CCND3: variants seen among roughly 807,000 people sequenced by gnomAD.
CCND3 encodes G1/S-specific cyclin-D3.
In CCND3, 9 loss-of-function variants were observed where a neutral mutation model predicts 28.7. That is an observed-to-expected ratio of 0.31 (90% CI 0.19 to 0.55). The LOEUF (loss-of-function observed/expected upper bound fraction) is 0.55, where lower values mean the gene tolerates loss of function less well. Ranked by LOEUF, CCND3 falls within the 20% of genes least tolerant of loss-of-function variation. The pLI is 0.93. For synonymous variants in CCND3, 164 were observed against 163.9 expected, an observed-to-expected ratio of 1.00 and a Z score of 0.00; for missense variants, 315 against 385.8, an observed-to-expected ratio of 0.82 and a Z score of 1.54.
intron 1 of CCND3, among the ~76,000 whole-genome samples, chr6:41,989,124 A>T (rs889797064): frequency 2.0e-5 from 3 of 150,326 alleles, no homozygotes; most frequent in Non-Finnish European, 4.5e-5. Context: ...AAGGATTGTT[A>T]TTCGCAATAT....
intron 2 of CCND3, chr6:41,937,704 A>G (rs886329761): frequency 2.2e-5 from 8 of 367,316 alleles, no homozygotes; most frequent in African/African-American, 1.4e-4. Context: ...GACTTCATTC[A>G]GGGCTCTGAG....
intron 1 of CCND3, among the ~76,000 whole-genome samples, chr6:41,978,237 G>A (rs1044589890): frequency 1.3e-5 from 2 of 151,828 alleles, no homozygotes; most frequent in South Asian, 4.2e-4. Context: ...AGCCGGGCAC[G>A]GTGGCGGGCA....
chr6:41,975,528 C>T (rs886412300), intron 1 of CCND3, among the ~76,000 whole-genome samples: 19 of 152,158 alleles, frequency 1.2e-4, no homozygotes, highest in Non-Finnish European at 2.4e-4. Flanking sequence ...TGGTGGTAAA[C>T]AGAGGTGCTG....
chr6:41,937,309 C>A lies in CCND3; in HGVS notation c.500G>T (p.Arg167Leu). Residue 167 changes from arginine (R) to leucine (L), a missense_variant, in exon 3 of 5, where the codon CGG (arginine) becomes CTG (leucine). Physicochemically the swap from Arg to Leu is moderately radical, Grantham distance 102. Transcript: ENST00000372991. ...AHDFLAFILHRLSLPRDRQAL... is the reference protein window; with the variant it reads ...AHDFLAFILHLLSLPRDRQAL... ...CTGTCGGTCACGGGGCAGAGAGAGC[C>A]GGTGCAGAATGAAGGCCAGGAAATC... The A allele has an allele frequency of 6.2e-7, 1 of 1,614,116 alleles. No homozygotes were observed. The highest frequency in any genetic ancestry group is 1.7e-5 in the Admixed American group (1 of 60,026).
chr6:42,049,195 C>T (rs1005298952), upstream of CCND3, among the ~76,000 whole-genome samples: 1 of 152,134 alleles, frequency 6.6e-6, no homozygotes, highest in African/African-American at 2.4e-5. Context: ...GCCGCCACGC[C>T]CGGCTAATTT....
At position 41,951,564 on chromosome 6, in the gene CCND3, ACAC is replaced by A. The variant is rs1198754413; in HGVS notation, c.-45-10982_-45-10980del. On this transcript the variant is annotated intron_variant, in intron 1 of 4. Transcript: ENST00000372988. Reference sequence around the variant, plus strand: ...GCGACACACACACACACACACACACACACACACACACAAAAAAAAAGATTAAGT... The same window carrying A: ...GCGACACACACACACACACACACACAACACACACAAAAAAAAAGATTAAGT... 9.1e-3 allele frequency among the ~76,000 whole-genome samples: 866 copies of A among 95,122 alleles called. 115 individuals are homozygous for A. Among genetic ancestry groups the A allele is most frequent in the Non-Finnish European group, 0.014 (637 of 45,356 alleles). The allele number at this position is 95,122 out of a possible 152,430, so 62.4% of individuals were successfully genotyped here.
Position 42,021,032 on chromosome 6 carries a change from G to A in CCND3, c.-46+27469C>T, listed in dbSNP as rs567383171. On this transcript the variant is annotated intron_variant, in intron 1 of 4. Coordinates refer to the CCND3 transcript ENST00000372988. Reference sequence around the variant, plus strand: ...TTCCCAAAGTGCTGGGATTATAGGCGTGAGCCACCGTGCCCAGCCTCAGTT... The same window carrying A: ...TTCCCAAAGTGCTGGGATTATAGGCATGAGCCACCGTGCCCAGCCTCAGTT... Among the ~76,000 whole-genome samples the A allele has an allele frequency of 2.6e-5, 4 of 152,324 alleles. No individual in the cohort carries two copies. In the South Asian group the frequency reaches 6.2e-4, roughly 24 times the overall value.
chr6:41,982,273 CAAAAA>C (rs57911007), intron 1 of CCND3, among the ~76,000 whole-genome samples: 4 of 135,072 alleles, frequency 3.0e-5, no homozygotes. Context: ...GACTCCATCT[CAAAAA>C]AAAAAAAAAA....
chr6:41,940,380 C>T lies in CCND3; in HGVS notation c.404G>A (p.Arg135His), dbSNP rs1775954765. 6.2e-7 allele frequency: 1 copy of T among 1,613,858 alleles called. No homozygotes were observed. Among genetic ancestry groups the T allele is most frequent in the Admixed American group, 1.7e-5 (1 of 60,010 alleles). ...CIYTDHAVSP[R>H]QLRDWEVLVL... ...GAGTTACACACGCACCCGCAACTGGCGGGGAGAGACAGCGTGGTCGGTGTA... is the reference window on the plus strand; with the variant it reads ...GAGTTACACACGCACCCGCAACTGGTGGGGAGAGACAGCGTGGTCGGTGTA... Residue 135 changes from arginine to histidine, a missense_variant, in exon 2 of 5, where the codon CGC becomes CAC. By Grantham distance (29) the Arg-to-His change is conservative. Coordinates refer to ENST00000372991, the MANE Select transcript of CCND3 (RefSeq NM_001760.5).
rs748415228 is a variant in CCND3, at chr6:42,044,956, CGTT to C, written c.-46+3542_-46+3544del. Among the ~76,000 whole-genome samples the C allele has an allele frequency of 3.4e-4, 42 of 123,910 alleles. 2 individuals carry two copies. Among genetic ancestry groups the C allele is most frequent in the South Asian group, 7.6e-4 (3 of 3,952 alleles). 81.3% of individuals were successfully genotyped at this position (123,910 alleles called of 152,430 possible). A position where few individuals can be genotyped will look rare whatever the true frequency, so the allele number is the denominator to read the frequency against. ...GGCCCGTGCGACCACGCCCGGCTAACGTTTTTTTTTTTTTTTTTTTTGTATTTT... is the reference window on the plus strand; with the variant it reads ...GGCCCGTGCGACCACGCCCGGCTAACTTTTTTTTTTTTTTTTTTGTATTTT... On this transcript the variant is annotated intron_variant, in intron 1 of 4. Transcript: ENST00000372988.
At chr6:42,031,602 A>G (rs1165973564) in intron 1 of CCND3, among the ~76,000 whole-genome samples, 1 of 152,154 alleles carries the variant, frequency 6.6e-6, no homozygotes. Flanking sequence ...ACATTTCAAA[A>G]AGTGAAAAAA....
At chr6:41,952,092 G>A (rs1776332889) in intron 1 of CCND3, among the ~76,000 whole-genome samples, 1 of 152,114 alleles carries the variant, frequency 6.6e-6, no homozygotes, top group Non-Finnish European at 1.5e-5. Flanking sequence ...CTTTCTCCTA[G>A]CCAGGCACTG....
chr6:41,956,892 G>A (rs562670785), intron 1 of CCND3, among the ~76,000 whole-genome samples: 17 of 152,198 alleles, frequency 1.1e-4, no homozygotes, highest in African/African-American at 3.4e-4. Flanking sequence ...TTAGCCGGGC[G>A]TGGTGGCAGG....
At chr6:41,940,632 A>G in intron 1 of CCND3, 47 bp from the exon 2 acceptor site, 4 of 1,054,020 alleles carry the variant, frequency 3.8e-6, no homozygotes, top group Non-Finnish European at 5.5e-6. Context: ...CGTGGGGAAC[A>G]CAGCAGCGGG....
chr6:41,941,751 A>G lies in CCND3; in HGVS notation c.-102T>C. ...GCGCGGGTCTGGCGCTGGCGCTGGCACTGCGCGGCGGATCCCCAGCCCGCC... is the reference window on the plus strand; with the variant it reads ...GCGCGGGTCTGGCGCTGGCGCTGGCGCTGCGCGGCGGATCCCCAGCCCGCC... On this transcript the variant is annotated 5_prime_UTR_variant, in exon 1 of 5. Transcript: ENST00000372991. This position sits in a 1 kb window ranked among gnomAD's most constrained non-coding sequence, Gnocchi z 6.1. The G allele has an allele frequency of 1.2e-6, 1 of 822,182 alleles. No individual in the cohort carries two copies. The highest frequency in any genetic ancestry group is 1.6e-6 in the Non-Finnish European group (1 of 619,202). 50.9% of individuals were successfully genotyped at this position (822,182 alleles called of 1,614,324 possible).
At chr6:41,996,220 G>A (rs1370837532) in intron 1 of CCND3, among the ~76,000 whole-genome samples, 3 of 150,618 alleles carry the variant, frequency 2.0e-5, no homozygotes, top group Non-Finnish European at 2.9e-5. Context: ...CATGATCTCG[G>A]CTCACTGCAA....
chr6:41,953,114 A>G (rs936451728), intron 1 of CCND3, among the ~76,000 whole-genome samples: 1 of 152,200 alleles, frequency 6.6e-6, no homozygotes, highest in Non-Finnish European at 1.5e-5. Flanking sequence ...TCTACTAAAA[A>G]TACAAAAATT....
At chr6:41,957,998 A>ACC in intron 1 of CCND3, among the ~76,000 whole-genome samples, 1 of 26,274 alleles carries the variant, frequency 3.8e-5, no homozygotes, top group Admixed American at 6.1e-4. Context: ...CTTTATCTTT[A>ACC]TCTTTTTTTT....
At chr6:42,001,667 A>T (rs1380704332) in intron 1 of CCND3, among the ~76,000 whole-genome samples, 1 of 152,116 alleles carries the variant, frequency 6.6e-6, no homozygotes, top group African/African-American at 2.4e-5. Context: ...ACTTGAGCTC[A>T]GGAGTTCAAG....
Sources: allele counts gnomAD v4.1 joint callset (sites outside exome capture counted in the v4.1 genomes callset), GRCh38; gene constraint gnomAD v4.1.1; non-coding constraint Gnocchi (gnomAD v3.1); transcripts MANE v1.5; gene names NCBI Gene and HGNC (gene_info 2026-07-23, HGNC 2026-07-21).